The following FABP6 variants were observed in gnomAD, a reference collection of about 807,000 sequenced individuals.
FABP6 encodes fatty acid binding protein 6, also known as gastrotropin.
Under a neutral mutation model 14.9 loss-of-function variants are expected in FABP6, and 13 were observed. The ratio of observed to expected loss-of-function variants is 0.87; its 90% CI spans 0.57 to 1.39. FABP6 has a LOEUF of 1.39. Among genes scored for constraint, FABP6 ranks in the 40% most tolerant of loss-of-function variants. The pLI, the probability that FABP6 is intolerant of heterozygous loss-of-function variation, is 0.00. For synonymous variants in FABP6, 75 were observed against 63.6 expected (o/e 1.18, Z -0.85); for missense variants, 161 against 167.2 (o/e 0.96, Z 0.20).
chr5:160,195,779 G>A (rs1190800151), intron 1 of FABP6: 1 of 152,154 alleles, frequency 6.6e-6, no homozygotes, highest in Non-Finnish European at 1.5e-5. Flanking sequence ...GGTCCATGAA[G>A]GTTCATATTG....
intron 3 of FABP6, 133 bp downstream of exon 3, chr5:160,235,042 T>C: frequency 1.7e-6 from 1 of 592,226 alleles, no homozygotes; most frequent in Non-Finnish European, 2.9e-6. Flanking sequence ...TGCTGAGTGC[T>C]GGATGCACAT....
intron 3 of FABP6, among the ~76,000 whole-genome samples, chr5:160,222,483 A>G (rs1580916516): frequency 6.6e-6 from 1 of 151,980 alleles, no homozygotes; most frequent in East Asian, 1.9e-4. Flanking sequence ...ACAGGTGCCC[A>G]CCACCACACC....
chr5:160,215,626 G>C lies in FABP6; in HGVS notation c.135+1807G>C, dbSNP rs1580912121. ...TTGCCTGAGCCCAGGAGGTTGAGGT[G>C]GCAATGAGCCATGATTTTGCCACTG... On this transcript the variant is annotated intron_variant, in intron 3 of 6. Coordinates refer to the FABP6 transcript ENST00000393980. 2.0e-5 allele frequency among the ~76,000 whole-genome samples: 3 copies of C among 151,468 alleles called. No homozygotes were observed. The East Asian group carries it at 5.9e-4, about 30-fold the overall frequency.
intron 3 of FABP6, among the ~76,000 whole-genome samples, chr5:160,235,489 T>C (rs1451196251): frequency 6.6e-6 from 1 of 152,226 alleles, no homozygotes; most frequent in Admixed American, 6.5e-5. Context: ...CCTCCTACAC[T>C]GGAGGTGGTG....
chr5:160,206,290 G>A (rs888263380), intron 2 of FABP6, among the ~76,000 whole-genome samples: 5 of 152,078 alleles, frequency 3.3e-5, no homozygotes, highest in Admixed American at 6.6e-5. Flanking sequence ...AATTAGCGGG[G>A]CATGATGCGT....
At chr5:160,229,720 C>A in intron 1 of FABP6, 96 bp downstream of exon 1, 1 of 1,068,796 alleles carries the variant, frequency 9.4e-7, no homozygotes, top group Non-Finnish European at 1.4e-6. Context: ...GGATTTCATC[C>A]ATTCATTCAC....
Position 160,202,983 on chromosome 5 carries a change from C to A in FABP6, c.51+3826C>A, listed in dbSNP as rs189176658. ...ATGGCTTGATCTCAGCTCACTGCAA[C>A]CTCTGCCTCCCAGGTTCAAGCGATT... On this transcript the variant is annotated intron_variant, in intron 2 of 6. Coordinates refer to the FABP6 transcript ENST00000393980. 3.9e-3 allele frequency among the ~76,000 whole-genome samples: 589 copies of A among 150,632 alleles called. 5 individuals carry two copies. The highest frequency in any genetic ancestry group is 0.014 in the African/African-American group (571 of 40,998).
At chr5:160,223,747 A>G (rs1393834765) in intron 3 of FABP6, among the ~76,000 whole-genome samples, 5 of 151,402 alleles carry the variant, frequency 3.3e-5, no homozygotes, top group African/African-American at 1.2e-4. Context: ...ACTTCCATCC[A>G]TTCCCCATCT....
chr5:160,234,154 C>A (rs1187871013), intron 2 of FABP6, among the ~76,000 whole-genome samples: 2 of 152,152 alleles, frequency 1.3e-5, no homozygotes, highest in South Asian at 4.1e-4. Flanking sequence ...AACTCACAAT[C>A]TTCCTGTGCC....
intron 1 of FABP6, among the ~76,000 whole-genome samples, chr5:160,230,040 A>ATT (rs11405855): frequency 0.21 from 30,885 of 144,342 alleles, 3,498 homozygotes; most frequent in Non-Finnish European, 0.26. Context: ...CGCCCGGCTA[A>ATT]TTTTTTTTTT....
chr5:160,203,993 G>A (rs1007281920), intron 2 of FABP6, among the ~76,000 whole-genome samples: 3 of 151,956 alleles, frequency 2.0e-5, no homozygotes, highest in African/African-American at 4.8e-5. Flanking sequence ...GAGCCACCGC[G>A]CCCAGCCTCA....
intron 2 of FABP6, among the ~76,000 whole-genome samples, chr5:160,232,702 G>T (rs1760417888): frequency 6.6e-6 from 1 of 151,970 alleles, no homozygotes; most frequent in Non-Finnish European, 1.5e-5. Context: ...TTTGAGATTA[G>T]CCTGGCCAAC....
rs561489742 is a variant in FABP6, at chr5:160,213,788, T to A, written c.104T>A (p.Leu35Gln). ...ACATGGGTGAGCCGGAAAGGAGACC[T>A]GCAGAGAATGAAACAGACACATAAA... Residue 35 changes from leucine to glutamine, a missense_variant, in exon 3 of 7, where the codon CTG (leucine) becomes CAG (glutamine). By Grantham distance (113) the Leu-to-Gln change is moderately radical (BLOSUM62 -2). Transcript: ENST00000393980. 1.4e-4 allele frequency: 232 copies of A among 1,613,820 alleles called. 3 individuals are homozygous for A. In the South Asian group the frequency reaches 2.4e-3, roughly 17 times the overall value.
chr5:160,222,490 C>A (rs1333664988), intron 3 of FABP6, among the ~76,000 whole-genome samples: 1 of 152,024 alleles, frequency 6.6e-6, no homozygotes, highest in Non-Finnish European at 1.5e-5. Flanking sequence ...CCCACCACCA[C>A]ACCCGGCTAA....
chr5:160,211,078 C>T (rs565424395), intron 2 of FABP6, among the ~76,000 whole-genome samples: 6 of 152,268 alleles, frequency 3.9e-5, no homozygotes, highest in African/African-American at 1.2e-4. Context: ...TCCTTCTTCC[C>T]AGCCACTGCC....
At chr5:160,193,239 G>A (rs973245224) in intron 1 of FABP6, among the ~76,000 whole-genome samples, 4 of 151,890 alleles carry the variant, frequency 2.6e-5, no homozygotes, top group Non-Finnish European at 4.4e-5. Context: ...AGACTTTCGC[G>A]GTGAGTGTTG....
At chr5:160,233,699 C>A (rs935187573) in intron 2 of FABP6, among the ~76,000 whole-genome samples, 1 of 151,952 alleles carries the variant, frequency 6.6e-6, no homozygotes, top group Admixed American at 6.6e-5. Context: ...ATGGTGAAAC[C>A]CTGTCTCTAC....
chr5:160,203,629 C>G (rs2113083396), intron 2 of FABP6, among the ~76,000 whole-genome samples: 1 of 152,186 alleles, frequency 6.6e-6, no homozygotes, highest in Admixed American at 6.6e-5. Flanking sequence ...ACCCAAGTAG[C>G]TGGGATTATG....
chr5:160,227,401 C>G (rs1314569630), upstream of FABP6, among the ~76,000 whole-genome samples: 7 of 152,008 alleles, frequency 4.6e-5, no homozygotes, highest in Non-Finnish European at 1.0e-4. Flanking sequence ...GTGGCAAGCA[C>G]CTGTAGTCCC....
Sources: gnomAD v4.1 joint callset for allele counts (sites outside exome capture counted in the v4.1 genomes callset) on GRCh38, gnomAD v4.1.1 for gene constraint, MANE v1.5 for transcripts, NCBI Gene and HGNC (gene_info 2026-07-23, HGNC 2026-07-21) for gene names.